CIMAP2: variants seen among roughly 807,000 people sequenced by gnomAD.
CIMAP2 encodes ciliary microtubule-associated protein 2.
chr1:54,839,616 G>A, the CIMAP2 span, among the ~76,000 whole-genome samples: 7 of 152,186 alleles, frequency 4.6e-5, no homozygotes, highest in African/African-American at 1.7e-4. Context: ...GACCTCAGGT[G>A]ATCCACCTGC....
the CIMAP2 span, among the ~76,000 whole-genome samples, chr1:54,832,159 T>G: frequency 1.3e-5 from 2 of 152,200 alleles, no homozygotes; most frequent in Non-Finnish European, 2.9e-5. Flanking sequence ...TATGAACTTT[T>G]ACACACCCAA....
the CIMAP2 span, chr1:54,841,488 G>T: frequency 7.5e-5 from 109 of 1,452,246 alleles, 1 homozygote; most frequent in South Asian, 1.4e-3. Context: ...CTGGTCCTTG[G>T]TCTTCCTCTC....
chr1:54,820,041 A>C, the CIMAP2 span, among the ~76,000 whole-genome samples: 6,707 of 82,306 alleles, frequency 0.081, 775 homozygotes, highest in African/African-American at 0.27. Context: ...TCCTTCATTC[A>C]TTCCTTCCTT....
chr1:54,813,918 G>C, the CIMAP2 span: 1 of 1,613,628 alleles, frequency 6.2e-7, no homozygotes, highest in Non-Finnish European at 8.5e-7. Context: ...CCCGAAACCC[G>C]AAAACCCCTA....
chr1:54,831,241 G>A, the CIMAP2 span, among the ~76,000 whole-genome samples: 1 of 152,158 alleles, frequency 6.6e-6, no homozygotes, highest in Non-Finnish European at 1.5e-5. Context: ...TCATTCATCT[G>A]CAAAGCAAAT....
chr1:54,821,200 A>ATTGT, the CIMAP2 span, among the ~76,000 whole-genome samples: 29,852 of 149,100 alleles, frequency 0.2, 3,008 homozygotes, highest in East Asian at 0.34. Context: ...CACTCTATTG[A>ATTGT]TTCTTTTGCT....
the CIMAP2 span, among the ~76,000 whole-genome samples, chr1:54,839,311 G>A: frequency 7.9e-5 from 12 of 152,186 alleles, no homozygotes; most frequent in South Asian, 8.3e-4. Context: ...GAATGCTATA[G>A]CTAAGCTGCT....
chr1:54,817,728 T>G, the CIMAP2 span, among the ~76,000 whole-genome samples: 1 of 152,146 alleles, frequency 6.6e-6, no homozygotes, highest in Non-Finnish European at 1.5e-5. Flanking sequence ...TCCAGTATTT[T>G]TTTTTTTTTG....
chr1:54,811,766 C>CCGGGGGGGGGGGGGGGG, the CIMAP2 span: 8 of 1,305,184 alleles, frequency 6.1e-6, no homozygotes, highest in East Asian at 2.5e-5. Context: ...GTTCTGACAG[C>CCGGGGGGGGGGGGGGGG]CTCCATGCCC....
chr1:54,827,267 T>C, the CIMAP2 span, among the ~76,000 whole-genome samples: 1 of 152,200 alleles, frequency 6.6e-6, no homozygotes, highest in South Asian at 2.1e-4. Flanking sequence ...AACACCCATG[T>C]GAGGTGAGGA....
chr1:54,811,665 G>A, the CIMAP2 span: 2 of 1,010,612 alleles, frequency 2.0e-6, no homozygotes, highest in African/African-American at 1.6e-5. Flanking sequence ...CAGAGGGCAG[G>A]TAGCAAGCGG....
the CIMAP2 span, among the ~76,000 whole-genome samples, chr1:54,822,902 AT>A: frequency 6.6e-6 from 1 of 152,052 alleles, no homozygotes; most frequent in East Asian, 1.9e-4. Context: ...CTTGTTATTG[AT>A]TTCTAGTTTT....
At chr1:54,826,799 C>G in the CIMAP2 span, among the ~76,000 whole-genome samples, 1 of 152,242 alleles carries the variant, frequency 6.6e-6, no homozygotes, top group African/African-American at 2.4e-5. Context: ...GCTTCCTTCT[C>G]CTTCCATGCC....
the CIMAP2 span, among the ~76,000 whole-genome samples, chr1:54,839,385 TA>T: frequency 1.7e-3 from 15 of 8,670 alleles, no homozygotes; most frequent in African/African-American, 2.7e-3. Context: ...TTTATTTATT[TA>T]TTTTTCGAGA....
chr1:54,841,598 C>A, the CIMAP2 span: 38 of 1,614,018 alleles, frequency 2.4e-5, no homozygotes, highest in Admixed American at 1.3e-4. Flanking sequence ...GTGTGAATTG[C>A]TGTAATCCCA....
the CIMAP2 span, among the ~76,000 whole-genome samples, chr1:54,820,007 CTTT>C: frequency 2.3e-5 from 3 of 129,926 alleles, no homozygotes; most frequent in Admixed American, 1.7e-4. Context: ...TTCTCCCTCT[CTTT>C]TCCTTCTTTC....
chr1:54,811,765 G>GCCGGGCGGGGGCCCCCCCCCCCCCC, the CIMAP2 span: 1 of 1,301,330 alleles, frequency 7.7e-7, no homozygotes, highest in Non-Finnish European at 1.1e-6. Context: ...GGTTCTGACA[G>GCCGGGCGGGGGCCCCCCCCCCCCCC]CCTCCATGCC....
At chr1:54,811,766 C>CGGGGGGGGGGCGGGG in the CIMAP2 span, 1 of 1,305,190 alleles carries the variant, frequency 7.7e-7, no homozygotes, top group Non-Finnish European at 1.1e-6. Context: ...GTTCTGACAG[C>CGGGGGGGGGGCGGGG]CTCCATGCCC....
chr1:54,828,532 G>A, the CIMAP2 span, among the ~76,000 whole-genome samples: 2 of 152,236 alleles, frequency 1.3e-5, no homozygotes, highest in African/African-American at 4.8e-5. Flanking sequence ...GGGTGCCACT[G>A]TGTTGCCCAG....
Sources: allele counts gnomAD v4.1 joint callset (sites outside exome capture counted in the v4.1 genomes callset), GRCh38; gene constraint gnomAD v4.1.1; transcripts MANE v1.5; gene names NCBI Gene and HGNC (gene_info 2026-07-23, HGNC 2026-07-21).